UBXN8: variants seen among roughly 807,000 people sequenced by gnomAD.
UBXN8 encodes UBX domain protein 8.
Under a neutral mutation model 32.1 loss-of-function variants are expected in UBXN8, and 27 were observed. The observed-to-expected ratio is 0.84, with a 90% CI of 0.62 to 1.16. The LOEUF is 1.16. Ranked by LOEUF, UBXN8 falls within the 50% of genes most tolerant of loss-of-function variation. The pLI is 0.00. For missense variants in UBXN8, 306 were observed against 311.4 expected (o/e 0.98, Z 0.13); for synonymous variants, 109 against 111.8 (o/e 0.98, Z 0.16).
At chr8:30,757,157 T>TAA (rs1321145386) in intron 5 of UBXN8, among the ~76,000 whole-genome samples, 2 of 124,792 alleles carry the variant, frequency 1.6e-5, no homozygotes, top group African/African-American at 3.0e-5. Flanking sequence ...CATCTCTATT[T>TAA]AAAAAAAAAA....
intron 1 of UBXN8, among the ~76,000 whole-genome samples, chr8:30,747,894 C>CT (rs67334347): frequency 0.04 from 1,428 of 35,564 alleles, 163 homozygotes; most frequent in African/African-American, 0.11. Context: ...TATATTTTTT[C>CT]TTTTTTTTTT....
At chr8:30,730,898 T>G (rs1241772440), upstream of UBXN8, among the ~76,000 whole-genome samples, 2 of 152,206 alleles carry the variant, frequency 1.3e-5, no homozygotes, top group African/African-American at 4.8e-5. Flanking sequence ...GCTAACCAGG[T>G]GTTTGTAAAC....
intron 7 of UBXN8, among the ~76,000 whole-genome samples, chr8:30,763,883 C>G (rs181552189): frequency 2.0e-5 from 3 of 151,970 alleles, no homozygotes; most frequent in Non-Finnish European, 2.9e-5. Context: ...CCCACCTACT[C>G]GGGAGGCTGA....
chr8:30,763,323 G>A lies in UBXN8; in HGVS notation c.621G>A (p.Arg207=), dbSNP rs77443237. 8 of 1,613,706 alleles carry A rather than the reference G, an allele frequency of 5.0e-6. No homozygotes were observed. The highest frequency in any genetic ancestry group is 6.8e-6 in the Non-Finnish European group (8 of 1,179,698). ...RCPSGNVLRR[R]FLKSYSSQVL... ...CCAGTGGGAATGTCCTGAGGAGAAG[G>A]TTTTTGAAGTCCTACAGCTCACAGG... Residue 207 remains arginine, a synonymous_variant, in exon 7 of 8, where the codon AGG becomes AGA. Coordinates refer to ENST00000265616, the MANE Select transcript of UBXN8 (RefSeq NM_005671.4).
chr8:30,750,936 CTATT>C (rs1164157120), intron 1 of UBXN8, among the ~76,000 whole-genome samples: 1 of 152,064 alleles, frequency 6.6e-6, no homozygotes, highest in Non-Finnish European at 1.5e-5. Context: ...AGTATAGCAA[CTATT>C]TATAGAGCCT....
At chr8:30,751,837 C>A (rs1459261476) in intron 2 of UBXN8, among the ~76,000 whole-genome samples, 2 of 151,366 alleles carry the variant, frequency 1.3e-5, no homozygotes, top group Non-Finnish European at 2.9e-5. Context: ...GCTTAACTGC[C>A]ATTTGATACC....
At chr8:30,745,350 T>G (rs1236722583) in intron 1 of UBXN8, among the ~76,000 whole-genome samples, 3 of 152,276 alleles carry the variant, frequency 2.0e-5, no homozygotes, top group African/African-American at 7.2e-5. Context: ...GTAGTGCTAC[T>G]GGTAAAGGGG....
chr8:30,760,444 T>TATATA (rs60534482), intron 5 of UBXN8, among the ~76,000 whole-genome samples: 10,586 of 66,210 alleles, frequency 0.16, 524 homozygotes, highest in East Asian at 0.2. Context: ...TATATATATA[T>TATATA]TTTTTTTTTT....
chr8:30,756,846 A>G lies in UBXN8; in HGVS notation c.487A>G (p.Thr163Ala), dbSNP rs748751612. Reference protein sequence around the residue: ...AKSQNLPKPLTEFPSPAEQPT... With the variant: ...AKSQNLPKPLAEFPSPAEQPT... ...GAGCCAGAACTTGCCTAAACCTTTA[A>G]CTGAATTTCCGTCTCCTGCTGAACA... The change falls in exon 5 of 8, where the codon ACT (threonine) becomes GCT (alanine). Residue 163 changes from threonine to alanine, a missense_variant. By Grantham distance (58) the Thr-to-Ala change is moderately conservative (BLOSUM62 0). Coordinates refer to ENST00000265616, the MANE Select transcript of UBXN8 (RefSeq NM_005671.4). 1 of 1,614,006 alleles carries G rather than the reference A, an allele frequency of 6.2e-7. No individual in the cohort carries two copies. The highest frequency in any genetic ancestry group is 8.5e-7 in the Non-Finnish European group (1 of 1,179,888).
intron 4 of UBXN8, 106 bp from the exon 5 acceptor site, chr8:30,756,659 A>T (rs1586101337): frequency 6.8e-7 from 1 of 1,480,848 alleles, no homozygotes; most frequent in Non-Finnish European, 9.1e-7. Flanking sequence ...ATATTTTTCT[A>T]CTGATATGCC....
chr8:30,749,809 G>T (rs980137477), intron 1 of UBXN8, among the ~76,000 whole-genome samples: 3 of 152,106 alleles, frequency 2.0e-5, no homozygotes, highest in Non-Finnish European at 4.4e-5. Flanking sequence ...GTTTCACCGT[G>T]ATAGCCAGGA....
upstream of UBXN8, chr8:30,744,032 G>A (rs755469419): frequency 2.0e-5 from 13 of 658,790 alleles, no homozygotes; most frequent in Non-Finnish European, 2.6e-5. Flanking sequence ...TTTAAAACAC[G>A]GGGCTTAGCT....
At chr8:30,744,439 T>G in intron 1 of UBXN8, 162 bp downstream of exon 1, 1 of 680,458 alleles carries the variant, frequency 1.5e-6, no homozygotes, top group Admixed American at 2.6e-5. Context: ...TGACTTCACT[T>G]CGAGGAACCT....
chr8:30,759,758 C>T (rs974495827), intron 5 of UBXN8, among the ~76,000 whole-genome samples: 5 of 150,766 alleles, frequency 3.3e-5, no homozygotes, highest in Admixed American at 1.3e-4. Context: ...AAGTCGAGAC[C>T]ATCTTGGCTA....
chr8:30,738,097 TAAA>T (rs10711833), intron 1 of UBXN8, among the ~76,000 whole-genome samples: 6 of 144,420 alleles, frequency 4.2e-5, no homozygotes, highest in East Asian at 2.0e-4. Flanking sequence ...TGTGTCTATT[TAAA>T]AAAAAAAAAA....
rs1380682578 is a variant in UBXN8 at position 30,754,664 on chromosome 8, G to GATACATA, written c.283-1_283insATACATA (p.Ala95IlefsTer32). The GATACATA allele has an allele frequency of 3.7e-5, 57 of 1,546,078 alleles. No homozygotes were observed. The highest frequency in any genetic ancestry group is 4.3e-5 in the Non-Finnish European group (50 of 1,158,354). ...AACACCTAATTTGTTGTTTTCAACAGGCCAGCAGATACATAGAGAATGTTT... is the reference window on the plus strand; with the variant it reads ...AACACCTAATTTGTTGTTTTCAACAGATACATAGCCAGCAGATACATAGAGAATGTTT... On this transcript the variant is annotated frameshift_variant and splice_region_variant. Transcript: ENST00000265616. LOFTEE classifies it high-confidence loss of function.
At chr8:30,749,405 T>TTAAA (rs1805455051) in intron 1 of UBXN8, among the ~76,000 whole-genome samples, 3 of 136,336 alleles carry the variant, frequency 2.2e-5, no homozygotes, top group African/African-American at 8.8e-5. Flanking sequence ...AAAAAAAAAA[T>TTAAA]AAAATAAATA....
In UBXN8 at chr8:30,754,747, C is replaced by T. The variant is rs562399157; in HGVS notation, c.365C>T (p.Thr122Met). The T allele has an allele frequency of 1.3e-5, 21 of 1,558,084 alleles. No individual in the cohort carries two copies. Among genetic ancestry groups the T allele is most frequent in the Admixed American group, 4.5e-5 (2 of 44,402 alleles). ...CTGGAGGAGCGCTTTTATCAAATGA[C>T]GGGTGAAGCCTGGAAATTAAGCAGT... ...RKLEERFYQM[T>M]GEAWKLSSGH... The change falls in exon 4 of 8, where the codon ACG (threonine) becomes ATG (methionine). Residue 122 changes from threonine (T) to methionine (M), a missense_variant. Physicochemically the swap from Thr to Met is moderately conservative, Grantham distance 81. Transcript: ENST00000265616.
chr8:30,743,832 C>A (rs1805275787), upstream of UBXN8, among the ~76,000 whole-genome samples: 1 of 152,218 alleles, frequency 6.6e-6, no homozygotes, highest in Non-Finnish European at 1.5e-5. Context: ...CTCCTCACAG[C>A]ATCAGCTTTT....
Sources: gnomAD v4.1 joint callset for allele counts (sites outside exome capture counted in the v4.1 genomes callset) on GRCh38, gnomAD v4.1.1 for gene constraint, MANE v1.5 for transcripts, NCBI Gene and HGNC (gene_info 2026-07-23, HGNC 2026-07-21) for gene names.